Variants in NUDT13 observed in about 807,000 individuals in gnomAD.
NUDT13 encodes nudix hydrolase 13.
A neutral mutation model predicts 41.7 loss-of-function variants in NUDT13; 40 were observed. The ratio of observed to expected loss-of-function variants is 0.96; its 90% CI spans 0.75 to 1.25. NUDT13 has a LOEUF of 1.25. Ranked by LOEUF, NUDT13 falls within the 50% of genes most tolerant of loss-of-function variation. NUDT13 has a pLI of 0.00. For synonymous variants in NUDT13, 145 were observed against 155.5 expected (o/e 0.93, Z 0.50); for missense variants, 390 against 416.1 (o/e 0.94, Z 0.55).
At chr10:73,119,107 G>A (rs192189048) in intron 2 of NUDT13, among the ~76,000 whole-genome samples, 4 of 151,638 alleles carry the variant, frequency 2.6e-5, no homozygotes, top group African/African-American at 9.7e-5. Flanking sequence ...GTGCAGTGGC[G>A]TGATCTCTGC....
intron 8 of NUDT13, among the ~76,000 whole-genome samples, chr10:73,128,186 T>C (rs1842837847): frequency 6.6e-6 from 1 of 152,226 alleles, no homozygotes; most frequent in South Asian, 2.1e-4. Context: ...CCATTGTGAA[T>C]ACTGCAGTGA....
intron 3 of NUDT13, among the ~76,000 whole-genome samples, chr10:73,121,702 G>C (rs1403527125): frequency 6.6e-6 from 1 of 152,138 alleles, no homozygotes; most frequent in Non-Finnish European, 1.5e-5. Flanking sequence ...GGGACTACAG[G>C]TGTGCACTTC....
At chr10:73,119,616 A>C (rs3829166) in intron 2 of NUDT13, 30,092 of 246,944 alleles carry the variant, frequency 0.12, 3,469 homozygotes, top group African/African-American at 0.33. Context: ...TGGCAGAGTA[A>C]CTTGAAGTTC....
At chr10:73,123,214 T>G (rs776982919) in intron 4 of NUDT13, among the ~76,000 whole-genome samples, 31 of 152,336 alleles carry the variant, frequency 2.0e-4, no homozygotes, top group South Asian at 8.3e-4. Flanking sequence ...TTTGTATATT[T>G]CAGTATTTCA....
intron 1 of NUDT13, among the ~76,000 whole-genome samples, chr10:73,110,933 C>G (rs1842350157): frequency 6.6e-6 from 1 of 152,140 alleles, no homozygotes; most frequent in Admixed American, 6.5e-5. Context: ...CGTGGTTCCT[C>G]AGTTTTCCAT....
intron 1 of NUDT13, among the ~76,000 whole-genome samples, chr10:73,111,299 C>T (rs932986699): frequency 4.6e-5 from 7 of 152,112 alleles, no homozygotes; most frequent in Non-Finnish European, 8.8e-5. Context: ...CTCTTAAATA[C>T]TAGGGAACCT....
Position 73,122,261 on chromosome 10 carries a change from G to A in NUDT13, c.310G>A (p.Ala104Thr). The change falls in exon 4 of 9, where the codon GCA (alanine) becomes ACA (threonine). Residue 104 changes from alanine (A) to threonine (T), a missense_variant. Physicochemically the swap from Ala to Thr is moderately conservative, Grantham distance 58. Transcript: ENST00000357321. ...GATTGGATGCTCTGAGCAGCAGGAAGCATGGTTTGCTCTGGATCTAGGTCT... is the reference window on the plus strand; with the variant it reads ...GATTGGATGCTCTGAGCAGCAGGAAACATGGTTTGCTCTGGATCTAGGTCT... ...VLIGCSEQQE[A>T]WFALDLGLDS... 1 of 1,614,076 alleles carries A rather than the reference G, an allele frequency of 6.2e-7. No homozygotes were observed. Among genetic ancestry groups the A allele is most frequent in the Non-Finnish European group, 8.5e-7 (1 of 1,179,966 alleles).
At position 73,126,663 on chromosome 10, in the gene NUDT13, G is replaced by A. The variant is rs568302931; in HGVS notation, c.704-10G>A. Reference sequence around the variant, plus strand: ...ACAGGGCTGTCCTGAATTAATCTGAGTGCTTGTAGGTGAAAGTGTGGAAGA... The same window carrying A: ...ACAGGGCTGTCCTGAATTAATCTGAATGCTTGTAGGTGAAAGTGTGGAAGA... On this transcript the variant is annotated splice_polypyrimidine_tract_variant and intron_variant, in intron 7 of 8. Transcript: ENST00000357321. 39 of 1,613,808 alleles carry A rather than the reference G, an allele frequency of 2.4e-5. No homozygotes were observed. The highest frequency in any genetic ancestry group is 3.1e-5 in the Non-Finnish European group (37 of 1,179,916).
intron 8 of NUDT13, among the ~76,000 whole-genome samples, chr10:73,127,402 T>A (rs981543204): frequency 5.3e-5 from 8 of 152,120 alleles, no homozygotes; most frequent in South Asian, 2.1e-4. Flanking sequence ...TTAATTAATT[T>A]AATTAAATAT....
Position 73,123,936 on chromosome 10 carries a change from C to G in NUDT13, c.359-278C>G, listed in dbSNP as rs117403704. ...GGCCTCCCAAAGTGCCGTACCTGGC[C>G]TTTTTTAAATTTTAGAGATGGGGTC... On this transcript the variant is annotated intron_variant, in intron 4 of 8. Coordinates refer to ENST00000357321, the MANE Select transcript of NUDT13 (RefSeq NM_015901.6). 5.5e-3 allele frequency among the ~76,000 whole-genome samples: 834 copies of G among 152,146 alleles called. 1 individual carries two copies. Among genetic ancestry groups the G allele is most frequent in the Non-Finnish European group, 0.01 (708 of 67,986 alleles).
chr10:73,113,090 T>G (rs1180427177), intron 1 of NUDT13, among the ~76,000 whole-genome samples: 1 of 152,214 alleles, frequency 6.6e-6, no homozygotes, highest in Non-Finnish European at 1.5e-5. Flanking sequence ...TTTCTCCATG[T>G]TGGTGAGGCT....
At chr10:73,126,540 C>T in intron 7 of NUDT13, 133 bp from the exon 8 acceptor site, 2 of 950,656 alleles carry the variant, frequency 2.1e-6, no homozygotes, top group Non-Finnish European at 3.1e-6. Flanking sequence ...TGGAATGACT[C>T]AGAGTTTTAG....
chr10:73,121,486 AAT>A (rs1171898202), intron 3 of NUDT13, among the ~76,000 whole-genome samples: 1 of 152,172 alleles, frequency 6.6e-6, no homozygotes, highest in Admixed American at 6.5e-5. Context: ...TGAACAAATA[AAT>A]ATGAGTCCTT....
chr10:73,128,241 G>T (rs1842838702), intron 8 of NUDT13, among the ~76,000 whole-genome samples: 2 of 152,186 alleles, frequency 1.3e-5, no homozygotes, highest in Non-Finnish European at 2.9e-5. Context: ...TTTCAATCCA[G>T]AAGTGGGATG....
In NUDT13 at chr10:73,130,801, G is replaced by A. The variant is rs1362812131; in HGVS notation, c.957G>A (p.Gln319=). ...LKRKGPYTQQ[Q]NGTFPFWLPP... is the part of the protein sequence containing the mutation. Reference sequence around the variant, plus strand: ...GAAAGGGCCCCTATACTCAGCAACAGAATGGGACTTTCCCATTCTGGCTGC... The same window carrying A: ...GAAAGGGCCCCTATACTCAGCAACAAAATGGGACTTTCCCATTCTGGCTGC... The change falls in exon 9 of 9, where the codon CAG becomes CAA. Residue 319 remains glutamine (Q), a synonymous_variant. Transcript: ENST00000357321. 2 of 1,613,538 alleles carry A rather than the reference G, an allele frequency of 1.2e-6. No individual in the cohort carries two copies. Among genetic ancestry groups the A allele is most frequent in the Non-Finnish European group, 1.7e-6 (2 of 1,179,940 alleles).
intron 4 of NUDT13, among the ~76,000 whole-genome samples, chr10:73,123,209 A>T (rs2394918): frequency 0.071 from 10,738 of 152,236 alleles, 635 homozygotes; most frequent in East Asian, 0.3. Context: ...CACATTTTGT[A>T]TATTTCAGTA....
intron 5 of NUDT13, 34 bp from the exon 6 acceptor site, chr10:73,125,084 C>T: frequency 2.5e-6 from 4 of 1,583,972 alleles, no homozygotes; most frequent in Non-Finnish European, 3.4e-6. Flanking sequence ...CGCATTCTCT[C>T]CAAATGACAC....
intron 7 of NUDT13, among the ~76,000 whole-genome samples, chr10:73,126,466 CT>C (rs1167455575): frequency 2.6e-5 from 4 of 152,166 alleles, no homozygotes; most frequent in Non-Finnish European, 5.9e-5. Context: ...GTCACACTTA[CT>C]TTAGACCTAG....
chr10:73,117,992 G>C (rs940416922), intron 2 of NUDT13, among the ~76,000 whole-genome samples: 9 of 152,228 alleles, frequency 5.9e-5, no homozygotes, highest in Non-Finnish European at 1.0e-4. Flanking sequence ...TCCAGTTCCA[G>C]TGAGGCCCTG....
Sources: gnomAD v4.1 joint callset for allele counts (sites outside exome capture counted in the v4.1 genomes callset) on GRCh38, gnomAD v4.1.1 for gene constraint, MANE v1.5 for transcripts, NCBI Gene and HGNC (gene_info 2026-07-23, HGNC 2026-07-21) for gene names.